DRC9: variants seen among roughly 807,000 people sequenced by gnomAD.
DRC9 encodes the protein dynein regulatory complex subunit 9, also known as dynein regulatory complex protein 9.
chr3:197,908,579 G>A, the DRC9 span, among the ~76,000 whole-genome samples: 5 of 145,884 alleles, frequency 3.4e-5, no homozygotes, highest in Non-Finnish European at 6.0e-5. Context: ...CAGGTCTGAA[G>A]AGCAAGCAAC....
the DRC9 span, among the ~76,000 whole-genome samples, chr3:197,922,092 T>C: frequency 6.6e-6 from 1 of 152,246 alleles, no homozygotes; most frequent in East Asian, 1.9e-4. Context: ...TTCCAAGGCT[T>C]GCCTTGGATC....
chr3:197,912,769 C>G, the DRC9 span: 1 of 1,595,186 alleles, frequency 6.3e-7, no homozygotes, highest in South Asian at 1.1e-5. Flanking sequence ...CAATCAGATA[C>G]CAGTACGTCT....
chr3:197,951,291 T>C, the DRC9 span: 2 of 1,614,082 alleles, frequency 1.2e-6, no homozygotes, highest in South Asian at 2.2e-5. Context: ...AGAGATGCGC[T>C]TATGTATATA....
At chr3:197,899,668 G>T in the DRC9 span, among the ~76,000 whole-genome samples, 1 of 152,096 alleles carries the variant, frequency 6.6e-6, no homozygotes, top group Non-Finnish European at 1.5e-5. Flanking sequence ...AAAGAAAAAT[G>T]AAAATCAGTA....
the DRC9 span, among the ~76,000 whole-genome samples, chr3:197,946,991 A>G: frequency 6.6e-6 from 1 of 152,034 alleles, no homozygotes; most frequent in Non-Finnish European, 1.5e-5. Flanking sequence ...TTGTATTTTT[A>G]GTAGAGACGG....
At chr3:197,920,529 C>T in the DRC9 span, among the ~76,000 whole-genome samples, 1 of 151,954 alleles carries the variant, frequency 6.6e-6, no homozygotes, top group Non-Finnish European at 1.5e-5. Flanking sequence ...GAGTTTGCGG[C>T]CAGCCTGGAC....
At chr3:197,940,949 C>T in the DRC9 span, among the ~76,000 whole-genome samples, 1 of 152,032 alleles carries the variant, frequency 6.6e-6, no homozygotes, top group South Asian at 2.1e-4. Flanking sequence ...CAGAAAAAAA[C>T]AGTGCAAAAG....
the DRC9 span, chr3:197,953,696 C>G: frequency 2.2e-6 from 1 of 448,344 alleles, no homozygotes; most frequent in Non-Finnish European, 4.1e-6. Context: ...AATATCCTCA[C>G]ACTTGTCCTT....
At chr3:197,953,760 T>G in the DRC9 span, 3 of 580,370 alleles carry the variant, frequency 5.2e-6, no homozygotes, top group Non-Finnish European at 6.1e-6. Flanking sequence ...TGTATTTTCC[T>G]TAAACTTACT....
At chr3:197,928,821 T>G in the DRC9 span, among the ~76,000 whole-genome samples, 1 of 152,074 alleles carries the variant, frequency 6.6e-6, no homozygotes, top group Non-Finnish European at 1.5e-5. Context: ...GTGTACAGAA[T>G]GAGAAGCTAA....
chr3:197,895,091 T>C, the DRC9 span, among the ~76,000 whole-genome samples: 6 of 151,998 alleles, frequency 3.9e-5, no homozygotes, highest in Non-Finnish European at 7.4e-5. Flanking sequence ...TAGAACAACA[T>C]GTCAGTTTGG....
the DRC9 span, chr3:197,913,907 C>G: frequency 6.2e-7 from 1 of 1,614,174 alleles, no homozygotes; most frequent in Non-Finnish European, 8.5e-7. Context: ...AAGAGTTCCT[C>G]TGTTCTGTTA....
chr3:197,896,449 A>G, the DRC9 span, among the ~76,000 whole-genome samples: 1 of 152,230 alleles, frequency 6.6e-6, no homozygotes, highest in Non-Finnish European at 1.5e-5. Context: ...CAAAAATTCT[A>G]TCAATCCAAG....
chr3:197,925,990 C>G, the DRC9 span: 4 of 1,067,436 alleles, frequency 3.7e-6, no homozygotes, highest in East Asian at 9.4e-5. Context: ...TGTGTTAGCT[C>G]GGTCACTTTT....
chr3:197,899,329 C>T, the DRC9 span, among the ~76,000 whole-genome samples: 1 of 152,158 alleles, frequency 6.6e-6, no homozygotes, highest in African/African-American at 2.4e-5. Context: ...GGAAAGCTTC[C>T]AATTCACGCT....
At chr3:197,898,358 G>T in the DRC9 span, among the ~76,000 whole-genome samples, 3 of 152,016 alleles carry the variant, frequency 2.0e-5, no homozygotes, top group African/African-American at 7.2e-5. Context: ...AAAATATATT[G>T]GTTTACATGC....
the DRC9 span, among the ~76,000 whole-genome samples, chr3:197,931,490 AAAACAAAC>A: frequency 6.6e-6 from 1 of 151,726 alleles, no homozygotes; most frequent in South Asian, 2.1e-4. Context: ...TCAAAAAAAC[AAAACAAAC>A]AAACAAACAA....
chr3:197,950,574 C>T, the DRC9 span: 7 of 344,684 alleles, frequency 2.0e-5, no homozygotes, highest in African/African-American at 1.3e-4. Flanking sequence ...CAGCTTTTCT[C>T]CCCCAGCCAT....
At chr3:197,953,432 T>A in the DRC9 span, 4 of 456,722 alleles carry the variant, frequency 8.8e-6, no homozygotes, top group South Asian at 6.2e-5. Flanking sequence ...CCACAGTAGT[T>A]TCTCTCATTC....
Sources: gnomAD v4.1 joint callset for allele counts (sites outside exome capture counted in the v4.1 genomes callset) on GRCh38, gnomAD v4.1.1 for gene constraint, MANE v1.5 for transcripts, NCBI Gene and HGNC (gene_info 2026-07-23, HGNC 2026-07-21) for gene names.